ROBO2: variants seen among roughly 807,000 people sequenced by gnomAD.
ROBO2 encodes the protein roundabout guidance receptor 2.
ROBO2 carries 53 observed loss-of-function variants against 160.8 expected under a neutral mutation model. The observed-to-expected ratio is 0.33, with a 90% confidence interval of 0.26 to 0.41. The LOEUF is 0.41. Among genes scored for constraint, ROBO2 ranks in the 10% least tolerant of loss-of-function variants. The pLI, the probability that ROBO2 is intolerant of heterozygous loss-of-function variation, is 1.00. For missense variants in ROBO2, 1,577 were observed against 1,722.4 expected, an observed-to-expected ratio of 0.92 and a Z score of 1.49; for synonymous variants, 664 against 611.7, an observed-to-expected ratio of 1.09 and a Z score of -1.26.
Position 76,065,642 on chromosome 3 carries a change from T to A in ROBO2, c.109+128040T>A, listed in dbSNP as rs557333084. Reference sequence around the variant, plus strand: ...CATGTTAGGGAAGAAGTAAAAATTATCTGACAAAGTAAAATTTTAAATGCA... The same window carrying A: ...CATGTTAGGGAAGAAGTAAAAATTAACTGACAAAGTAAAATTTTAAATGCA... On this transcript the variant is annotated intron_variant, in intron 2 of 26. Coordinates refer to the ROBO2 transcript ENST00000487694. 2.6e-5 allele frequency among the ~76,000 whole-genome samples: 4 copies of A among 151,734 alleles called. No homozygotes were observed. In the East Asian group the frequency reaches 7.8e-4, roughly 29 times the overall value.
chr3:77,548,147 AC>A (rs1218749422), intron 7 of ROBO2, among the ~76,000 whole-genome samples: 2 of 151,582 alleles, frequency 1.3e-5, no homozygotes, highest in African/African-American at 4.8e-5. Context: ...ACATACACAT[AC>A]ATACACATAC....
In ROBO2 at chr3:76,699,187, AT is replaced by A. The variant is rs543744236; in HGVS notation, c.110-398825del. Among the ~76,000 whole-genome samples the A allele has an allele frequency of 9.2e-5, 14 of 152,314 alleles. No homozygotes were observed. In the East Asian group the frequency reaches 2.5e-3, roughly 27 times the overall value. ...ATGTCAGCTTAATCTCAGTGAATATATTGAGATCTTTTCCGACCTCTAAGCA... is the reference window on the plus strand; with the variant it reads ...ATGTCAGCTTAATCTCAGTGAATATATGAGATCTTTTCCGACCTCTAAGCA... On this transcript the variant is annotated intron_variant, in intron 2 of 26. Transcript: ENST00000487694.
chr3:76,205,664 C>A (rs1169631734), intron 2 of ROBO2, among the ~76,000 whole-genome samples: 4 of 152,158 alleles, frequency 2.6e-5, no homozygotes, highest in Non-Finnish European at 5.9e-5. Context: ...GTTTACACAG[C>A]CCCTCCCTCC....
intron 2 of ROBO2, among the ~76,000 whole-genome samples, chr3:76,761,464 G>T (rs2608157): frequency 0.84 from 126,885 of 151,388 alleles, 53,270 homozygotes; most frequent in Admixed American, 0.86. Context: ...TGTCCTGGCT[G>T]GGAAAATATA....
intron 2 of ROBO2, among the ~76,000 whole-genome samples, chr3:77,355,744 A>G (rs1010757238): frequency 2.6e-5 from 4 of 152,200 alleles, no homozygotes; most frequent in African/African-American, 7.2e-5. Flanking sequence ...AAAACAAAAC[A>G]TAACAAAACG....
chr3:77,365,879 G>A (rs1374367582), intron 2 of ROBO2, among the ~76,000 whole-genome samples: 3 of 152,114 alleles, frequency 2.0e-5, no homozygotes, highest in African/African-American at 7.2e-5. Flanking sequence ...TCACTGAAGA[G>A]GAGAAAAATG....
At chr3:77,361,259 G>A (rs1406400185) in intron 2 of ROBO2, among the ~76,000 whole-genome samples, 3 of 151,790 alleles carry the variant, frequency 2.0e-5, no homozygotes, top group African/African-American at 7.3e-5. Context: ...GTTTTGTTTT[G>A]TTTTCAGACA....
At chr3:76,907,823 G>GTGTGTGTGTGT (rs2075705102) in intron 2 of ROBO2, among the ~76,000 whole-genome samples, 54 of 145,524 alleles carry the variant, frequency 3.7e-4, no homozygotes, top group African/African-American at 1.3e-3. Context: ...GTTTGTTTGG[G>GTGTGTGTGTGT]GTGTGTGTGT....
chr3:76,091,985 G>A (rs1476014188), intron 2 of ROBO2, among the ~76,000 whole-genome samples: 1 of 82,948 alleles, frequency 1.2e-5, no homozygotes, highest in Non-Finnish European at 2.2e-5. Flanking sequence ...TATTCTATAT[G>A]ATACACTAGT....
chr3:76,218,100 C>A (rs185287838), intron 2 of ROBO2, among the ~76,000 whole-genome samples: 1 of 152,112 alleles, frequency 6.6e-6, no homozygotes, highest in Non-Finnish European at 1.5e-5. Context: ...AGACCTTTGA[C>A]GAAATTCAAC....
intron 2 of ROBO2, among the ~76,000 whole-genome samples, chr3:76,211,009 A>C (rs2324489): frequency 0.97 from 148,006 of 152,106 alleles, 72,138 homozygotes; most frequent in East Asian, 1. Flanking sequence ...AAGTGTTTTA[A>C]CCAATCTTTT....
At chr3:76,220,555 T>A (rs1703897797) in intron 2 of ROBO2, among the ~76,000 whole-genome samples, 1 of 152,116 alleles carries the variant, frequency 6.6e-6, no homozygotes, top group Non-Finnish European at 1.5e-5. Context: ...GAGCATTGAT[T>A]TGGGACTTCC....
chr3:76,688,013 T>A (rs1043785390), intron 2 of ROBO2, among the ~76,000 whole-genome samples: 2 of 151,844 alleles, frequency 1.3e-5, no homozygotes, highest in African/African-American at 4.8e-5. Context: ...TGTTAAAGTA[T>A]TCAAATTATA....
intron 2 of ROBO2, among the ~76,000 whole-genome samples, chr3:76,442,947 A>C (rs967766449): frequency 6.6e-6 from 1 of 152,142 alleles, no homozygotes; most frequent in Non-Finnish European, 1.5e-5. Context: ...TGTTGCTATA[A>C]AAGATTAATC....
chr3:76,357,972 T>C (rs984404434), intron 2 of ROBO2, among the ~76,000 whole-genome samples: 1 of 151,518 alleles, frequency 6.6e-6, no homozygotes, highest in Non-Finnish European at 1.5e-5. Flanking sequence ...TTTGGAGTAT[T>C]ATTTTACAAA....
chr3:76,304,264 C>T (rs922564271), intron 2 of ROBO2, among the ~76,000 whole-genome samples: 13 of 152,084 alleles, frequency 8.5e-5, no homozygotes, highest in African/African-American at 3.1e-4. Flanking sequence ...AGGATGTATA[C>T]GATACCTTGT....
At chr3:77,269,612 G>GCT (rs1553879026) in intron 2 of ROBO2, among the ~76,000 whole-genome samples, 35 of 109,198 alleles carry the variant, frequency 3.2e-4, no homozygotes, top group Non-Finnish European at 5.0e-4. Context: ...AGTTTTCCAA[G>GCT]ATGTGTGTGT....
At chr3:76,555,454 G>A (rs978508040) in intron 2 of ROBO2, among the ~76,000 whole-genome samples, 3 of 149,936 alleles carry the variant, frequency 2.0e-5, no homozygotes, top group African/African-American at 7.3e-5. Context: ...GGAAGAGGAA[G>A]AGGAAGAGGG....
At chr3:76,363,996 A>G (rs1221198270) in intron 2 of ROBO2, among the ~76,000 whole-genome samples, 2 of 152,088 alleles carry the variant, frequency 1.3e-5, no homozygotes, top group Non-Finnish European at 2.9e-5. Flanking sequence ...TTGTCAGATT[A>G]AAACTCTCCA....
Sources: gnomAD v4.1 joint callset for allele counts (sites outside exome capture counted in the v4.1 genomes callset) on GRCh38, gnomAD v4.1.1 for gene constraint, MANE v1.5 for transcripts, NCBI Gene and HGNC (gene_info 2026-07-23, HGNC 2026-07-21) for gene names.